The following ESPN variants were observed in gnomAD, a reference collection of about 807,000 sequenced individuals.
The protein encoded by ESPN is espin.
In ESPN, 68 loss-of-function variants were observed where a neutral mutation model predicts 77.7. The observed-to-expected ratio is 0.87, with a 90% CI of 0.72 to 1.07. ESPN has a LOEUF of 1.07. ESPN is among the 50% of genes least tolerant of loss of function. The pLI, the probability that ESPN is intolerant of heterozygous loss-of-function variation, is 0.00. For missense variants in ESPN, 1,060 were observed against 1,239.0 expected (o/e 0.86, Z 2.17); for synonymous variants, 449 against 567.1 (o/e 0.79, Z 2.96).
intron 10 of ESPN, chr1:6,454,703 C>A (rs1354730067): frequency 2.5e-6 from 1 of 398,626 alleles, no homozygotes; most frequent in Non-Finnish European, 4.4e-6. Context: ...GAATGCATGG[C>A]CGCGCCGCCA....
Position 6,437,030 on chromosome 1 carries a change from G to A in ESPN, c.489-3224G>A, listed in dbSNP as rs1166666397. Among the ~76,000 whole-genome samples, 7 of 152,146 alleles carry A rather than the reference G, an allele frequency of 4.6e-5. No homozygotes were observed. Among genetic ancestry groups the A allele is most frequent in the Admixed American group, 4.6e-4 (7 of 15,276 alleles). ...TCAGCATATCTGTCCCATGTTCTGG[G>A]GTATTCCAAGCTGGAGGCTCTGACT... On this transcript the variant is annotated intron_variant, in intron 2 of 12. Transcript: ENST00000645284. The surrounding 1 kb of genome is among the most constrained non-coding windows in gnomAD (Gnocchi z 4.5).
In ESPN at chr1:6,454,541, C is replaced by A. The variant is rs528050724; in HGVS notation, c.2325+2445C>A. The A allele has an allele frequency of 2.2e-4, 86 of 399,010 alleles. No individual in the cohort carries two copies. In the East Asian group the frequency reaches 3.0e-3, roughly 14 times the overall value. The allele number at this position is 399,010 out of a possible 1,614,324, so 24.7% of individuals were successfully genotyped here. On this transcript the variant is annotated intron_variant, in intron 10 of 12. Coordinates refer to ENST00000645284, the MANE Select transcript of ESPN (RefSeq NM_031475.3). The stretch of plus-strand genomic sequence containing the variant: ...GCGAGCTTATGACCGAAGCCGACAT[C>A]CTCCGCATCGAGCAGCAAATCGAGA...
chr1:6,451,748 G>T lies in ESPN; in HGVS notation c.2061G>T (p.Gln687His). Residue 687 changes from glutamine to histidine, a missense_variant and splice_region_variant, in exon 9 of 13, where the codon CAG becomes CAT. By Grantham distance (24) the Gln-to-His change is conservative. Transcript: ENST00000645284. This position sits in a 1 kb window ranked among gnomAD's most constrained non-coding sequence, Gnocchi z 4.3. Reference protein sequence around the residue: ...VFSGIGQPAFQPDSPLPSVSP... With the variant: ...VFSGIGQPAFHPDSPLPSVSP... ...CAGGCATCGGGCAGCCGGCCTTCCA[G>T]GTAGGCGGGCCCAGCAGGAGCCTGC... 1 of 1,612,156 alleles carries T rather than the reference G, an allele frequency of 6.2e-7. No individual in the cohort carries two copies. Among genetic ancestry groups the T allele is most frequent in the Non-Finnish European group, 8.5e-7 (1 of 1,179,720 alleles).
chr1:6,448,969 C>A lies in ESPN; in HGVS notation c.1793C>A (p.Pro598Gln). 7.1e-7 allele frequency: 1 copy of A among 1,407,512 alleles called. No homozygotes were observed. Among genetic ancestry groups the A allele is most frequent in the Non-Finnish European group, 9.3e-7 (1 of 1,079,060 alleles). The allele number at this position is 1,407,512 out of a possible 1,614,324, so 87.2% of individuals were successfully genotyped here. Residue 598 changes from proline to glutamine, a missense_variant, in exon 8 of 13, where the codon CCG (proline) becomes CAG (glutamine). Pro to Gln is a moderately conservative substitution (Grantham distance 76). Around this residue, in one of 3 missense-constraint regions of ESPN, gnomAD observed 374 missense variants for 381.4 expected, o/e 0.98. Transcript: ENST00000645284. ...AAGGCGTCCAGGGAGCTGCCACCGC[C>A]GCCCCCACCGCCGCCGCCGCCCCTG... ...DPKASRELPP[P>Q]PPPPPPPLPE... is the part of the protein sequence containing the mutation.
intron 10 of ESPN, chr1:6,455,160 C>A (rs1644028434): frequency 2.6e-6 from 1 of 388,668 alleles, no homozygotes; most frequent in South Asian, 1.3e-4. Context: ...CACCCTGGGC[C>A]CGCCCGAGGT....
In ESPN at chr1:6,436,674, T is replaced by G. The variant is rs1281640432; in HGVS notation, c.489-3580T>G. 2.0e-5 allele frequency among the ~76,000 whole-genome samples: 3 copies of G among 152,032 alleles called. No individual in the cohort carries two copies. In the East Asian group the frequency reaches 5.8e-4, roughly 29 times the overall value. On this transcript the variant is annotated intron_variant, in intron 2 of 12. Coordinates refer to ENST00000645284, the MANE Select transcript of ESPN (RefSeq NM_031475.3). Reference sequence around the variant, plus strand: ...TGTGCACCAACACACCTGGCTCATTTTTGTATTGTTTGTAGAGAATGGCGG... The same window carrying G: ...TGTGCACCAACACACCTGGCTCATTGTTGTATTGTTTGTAGAGAATGGCGG...
intron 10 of ESPN, chr1:6,456,007 AGCCGCC>A (rs1303952750): frequency 2.0e-5 from 8 of 397,314 alleles, no homozygotes; most frequent in African/African-American, 1.2e-4. Context: ...CCTGCGCCGC[AGCCGCC>A]GCCGCCGCCC....
At chr1:6,461,238 C>CCT (rs1184598425), downstream of ESPN, 155 of 751,434 alleles carry the variant, frequency 2.1e-4, no homozygotes, top group Non-Finnish European at 2.8e-4. The surrounding 1 kb of genome is among the most constrained non-coding windows in gnomAD (Gnocchi z 6.3). Context: ...GTCTTCACCC[C>CCT]CTCTCGACAT....
At chr1:6,455,643 C>T (rs1427215886) in intron 10 of ESPN, 1 of 399,254 alleles carries the variant, frequency 2.5e-6, no homozygotes, top group East Asian at 3.6e-5. Context: ...CACGCTCGAC[C>T]TCTTCATGCT....
chr1:6,457,158 C>T (rs145779479), intron 10 of ESPN, 26 bp from the exon 11 acceptor site: 8 of 1,574,556 alleles, frequency 5.1e-6, no homozygotes, highest in Non-Finnish European at 6.0e-6. Flanking sequence ...CCCTGCAGGC[C>T]CTGAAGCTTT....
intron 10 of ESPN, chr1:6,456,208 T>C (rs1180797328): frequency 5.0e-6 from 2 of 397,184 alleles, no homozygotes; most frequent in Non-Finnish European, 8.9e-6. Flanking sequence ...GCAGCGGAAT[T>C]CGGAATTCTC....
intron 8 of ESPN, among the ~76,000 whole-genome samples, chr1:6,449,374 C>T (rs555589528): frequency 3.9e-5 from 6 of 152,354 alleles, no homozygotes; most frequent in African/African-American, 1.2e-4. Context: ...AGTCCCCTCC[C>T]CTCTCTGGGC....
chr1:6,448,996 C>T lies in ESPN; in HGVS notation c.1820C>T (p.Pro607Leu), dbSNP rs1208736396. The stretch of plus-strand genomic sequence containing the variant: ...CCCCCACCGCCGCCGCCGCCCCTGC[C>T]GGAGGCCGCGAGTTCGCCACCGCCG... ...PPPPPPPPPL[P>L]EAASSPPPAP... Residue 607 changes from proline (P) to leucine (L), a missense_variant, in exon 8 of 13, where the codon CCG (proline) becomes CTG (leucine). Around this residue, in one of 3 missense-constraint regions of ESPN, gnomAD observed 374 missense variants for 381.4 expected, o/e 0.98. Coordinates refer to ENST00000645284, the MANE Select transcript of ESPN (RefSeq NM_031475.3). 3.4e-6 allele frequency: 5 copies of T among 1,452,380 alleles called. No homozygotes were observed. The highest frequency in any genetic ancestry group is 1.3e-5 in the South Asian group (1 of 74,290). 90.0% of individuals were successfully genotyped at this position (1,452,380 alleles called of 1,614,324 possible). A position where few individuals can be genotyped will look rare whatever the true frequency, so the allele number is the denominator to read the frequency against.
Position 6,448,737 on chromosome 1 carries a change from C to T in ESPN, c.1561C>T (p.Arg521Trp), listed in dbSNP as rs1271192955. 70 of 1,480,866 alleles carry T rather than the reference C, an allele frequency of 4.7e-5. No homozygotes were observed. The highest frequency in any genetic ancestry group is 6.1e-5 in the Non-Finnish European group (68 of 1,122,926). The allele number at this position is 1,480,866 out of a possible 1,614,324, so 91.7% of individuals were successfully genotyped here. The change falls in exon 8 of 13, where the codon CGG becomes TGG. Residue 521 changes from arginine (R) to tryptophan (W), a missense_variant. This residue lies in a region of ESPN where 130 missense variants were observed against 223.9 expected (regional missense o/e 0.58). Coordinates refer to ENST00000645284, the MANE Select transcript of ESPN (RefSeq NM_031475.3). ...SKQPSTGDYY[R>W]QLGRCPGETL... ...GCAGCCCAGCACGGGGGACTACTAC[C>T]GGCAGCTGGGCCGCTGCCCCGGCGA...
At position 6,457,261 on chromosome 1, in the gene ESPN, G is replaced by C; in HGVS notation, c.2403G>C (p.Glu801Asp). Residue 801 changes from glutamate to aspartate, a missense_variant and splice_region_variant, in exon 11 of 13, where the codon GAG (glutamate) becomes GAC (aspartate). This residue lies in a region of ESPN where 374 missense variants were observed against 381.4 expected (regional missense o/e 0.98). Coordinates refer to ENST00000645284, the MANE Select transcript of ESPN (RefSeq NM_031475.3). The part of the protein sequence containing the change: ...RDLLRKKLEE[E>D]REQKRKEEER... The stretch of plus-strand genomic sequence containing the variant: ...TCCTGCGGAAGAAGCTGGAAGAAGA[G>C]AGGTGAGCTGGGGGTCAGGCAGAGG... The C allele has an allele frequency of 6.2e-7, 1 of 1,614,132 alleles. No homozygotes were observed. The highest frequency in any genetic ancestry group is 2.2e-5 in the East Asian group (1 of 44,882).
At chr1:6,445,537 G>A in intron 6 of ESPN, 127 bp from the exon 7 acceptor site, 1 of 1,033,352 alleles carries the variant, frequency 9.7e-7, no homozygotes, top group East Asian at 2.6e-5. Flanking sequence ...CACAGCAGGT[G>A]TACCAAGTGG....
At position 6,427,180 on chromosome 1, in the gene ESPN, T is replaced by C. The variant is rs1418943950; in HGVS notation, c.295-1046T>C. On this transcript the variant is annotated intron_variant, in intron 1 of 12. Coordinates refer to ENST00000645284, the MANE Select transcript of ESPN (RefSeq NM_031475.3). The surrounding 1 kb of genome is among the most constrained non-coding windows in gnomAD (Gnocchi z 4.6). Reference sequence around the variant, plus strand: ...TCTGGGCAAGGCGGGGCAGAGAGGCTTTACTCCCTGATCCTAGTGAAGTGT... The same window carrying C: ...TCTGGGCAAGGCGGGGCAGAGAGGCCTTACTCCCTGATCCTAGTGAAGTGT... Among the ~76,000 whole-genome samples, 1 of 151,994 alleles carries C rather than the reference T, an allele frequency of 6.6e-6. No homozygotes were observed. Among genetic ancestry groups the C allele is most frequent in the Non-Finnish European group, 1.5e-5 (1 of 67,988 alleles).
At chr1:6,452,247 C>G in intron 10 of ESPN, 151 bp downstream of exon 10, 5 of 986,476 alleles carry the variant, frequency 5.1e-6, no homozygotes, top group Non-Finnish European at 7.2e-6. Flanking sequence ...CTCTGTCGCC[C>G]AGGCTGGAGT....
At chr1:6,458,170 C>T (rs1031608082) in intron 12 of ESPN, among the ~76,000 whole-genome samples, 3 of 151,848 alleles carry the variant, frequency 2.0e-5, no homozygotes, top group African/African-American at 4.8e-5. Flanking sequence ...AAGCGTGTGC[C>T]ACCACACCCA....
Sources: gnomAD v4.1 joint callset for allele counts (sites outside exome capture counted in the v4.1 genomes callset) on GRCh38, gnomAD v4.1.1 for gene constraint, gnomAD v4.1.1 regional missense constraint, Gnocchi (gnomAD v3.1) non-coding constraint, MANE v1.5 for transcripts, NCBI Gene and HGNC (gene_info 2026-07-23, HGNC 2026-07-21) for gene names.